Variants in TTN observed in about 807,000 individuals in gnomAD.
TTN encodes the protein titin.
In TTN, 1,525 loss-of-function variants were observed where a neutral mutation model predicts 3,223.0. The ratio of observed to expected loss-of-function variants is 0.47; its 90% CI spans 0.45 to 0.49. The LOEUF (loss-of-function observed/expected upper bound fraction) is 0.49, where lower values mean the gene tolerates loss of function less well. Among genes scored for constraint, TTN ranks in the 20% least tolerant of loss-of-function variants. The probability of loss-of-function intolerance (pLI) is 0.00; values close to 1 mark genes in which losing one functional copy is unlikely to be tolerated. For missense variants in TTN, 40,786 were observed against 43,424.0 expected (o/e 0.94, Z 5.40); for synonymous variants, 14,094 against 15,161.0 (o/e 0.93, Z 5.17).
intron 295 of TTN, 52 bp from the exon 296 acceptor site, chr2:178,594,698 T>C (rs1485694895): frequency 1.5e-6 from 2 of 1,372,320 alleles, no homozygotes; most frequent in African/African-American, 1.5e-5. Context: ...ACATTAAGAA[T>C]GTAGTAGGAT....
chr2:178,636,834 T>A lies in TTN; in HGVS notation c.40928-35A>T. The A allele has an allele frequency of 6.5e-7, 1 of 1,531,120 alleles. No individual in the cohort carries two copies. Among genetic ancestry groups the A allele is most frequent in the Non-Finnish European group, 8.8e-7 (1 of 1,142,246 alleles). 94.8% of individuals were successfully genotyped at this position (1,531,120 alleles called of 1,614,324 possible). On this transcript the variant is annotated intron_variant, in intron 224 of 362. Coordinates refer to ENST00000589042, the MANE Select transcript of TTN (RefSeq NM_001267550.2). This position sits in a 1 kb window ranked among gnomAD's most constrained non-coding sequence, Gnocchi z 4.3. ...AGTAAAATAAAAAGTTGATTTGGCA[T>A]CTCCTTAGGAGTCAGAAAGTTCATA...
rs757257344 is a variant in TTN, at chr2:178,608,648, G to C, written c.52363C>G (p.Pro17455Ala). ...ACAAGTGGCTTTGAAACACATGGTGGACCTGGCCCAAATCTGTTTTCAGCT... is the reference window on the plus strand; with the variant it reads ...ACAAGTGGCTTTGAAACACATGGTGCACCTGGCCCAAATCTGTTTTCAGCT... The part of the protein sequence containing the change: ...VRAENRFGPG[P>A]PCVSKPLVAK... Residue 17455 changes from proline (P) to alanine (A), a missense_variant, in exon 274 of 363, where the codon CCA becomes GCA. Physicochemically the swap from Pro to Ala is conservative, Grantham distance 27 (BLOSUM62 -1). Coordinates refer to ENST00000589042, the MANE Select transcript of TTN (RefSeq NM_001267550.2). 6.2e-7 allele frequency: 1 copy of C among 1,611,872 alleles called. No homozygotes were observed. Among genetic ancestry groups the C allele is most frequent in the Admixed American group, 1.7e-5 (1 of 59,852 alleles).
rs377480514 is a variant in TTN at position 178,588,138 on chromosome 2, T to C, written c.63269A>G (p.Tyr21090Cys). Residue 21090 changes from tyrosine (Y) to cysteine (C), a missense_variant, in exon 305 of 363, where the codon TAT becomes TGT. Transcript: ENST00000589042. ...SITLGWGKPV[Y>C]DGGAPIIGYV... ...TCCAATGATCGGTGCACCACCATCA[T>C]AGACTGGTTTTCCCCACCCAAGAGT... 21 of 1,611,490 alleles carry C rather than the reference T, an allele frequency of 1.3e-5. No individual in the cohort carries two copies. The highest frequency in any genetic ancestry group is 1.5e-5 in the Non-Finnish European group (18 of 1,178,238).
chr2:178,669,675 G>T lies in TTN; in HGVS notation c.35387C>A (p.Ala11796Glu), dbSNP rs200321949. ...GACAATTTTCTTGGGTACTTCGGGT[G>T]CTTTAAAGATATTTATTTATCTTAT... ...PEEPRVPPTK[A>E]PEVPKKIVPE... Residue 11796 changes from alanine to glutamate, a missense_variant and splice_region_variant, in exon 158 of 363, where the codon GCA (alanine) becomes GAA (glutamate). By Grantham distance (107) the Ala-to-Glu change is moderately radical (BLOSUM62 -1). Coordinates refer to ENST00000589042, the MANE Select transcript of TTN (RefSeq NM_001267550.2). 7.1e-5 allele frequency: 115 copies of T among 1,611,316 alleles called. No homozygotes were observed. The highest frequency in any genetic ancestry group is 9.0e-5 in the Non-Finnish European group (106 of 1,179,072).
Position 178,764,818 on chromosome 2 carries a change from G to A in TTN, c.9704-7C>T. 1 of 1,612,440 alleles carries A rather than the reference G, an allele frequency of 6.2e-7. No individual in the cohort carries two copies. The highest frequency in any genetic ancestry group is 8.5e-7 in the Non-Finnish European group (1 of 1,179,810). On this transcript the variant is annotated splice_region_variant and splice_polypyrimidine_tract_variant and intron_variant, in intron 41 of 362. Transcript: ENST00000589042. ...ACTTGGGGCGGTTCAGGAGCTAGGAGTAAATGTTGACAAATAGCCCATGAA... is the reference window on the plus strand; with the variant it reads ...ACTTGGGGCGGTTCAGGAGCTAGGAATAAATGTTGACAAATAGCCCATGAA...
chr2:178,802,036 G>T, intron 3 of TTN, 102 bp downstream of exon 3: 1 of 1,403,222 alleles, frequency 7.1e-7, no homozygotes, highest in Non-Finnish European at 1.0e-6. Context: ...TAGTTTAAGA[G>T]CTGCATCTAC....
In TTN at chr2:178,711,295, A is replaced by G. The variant is rs727505348; in HGVS notation, c.27941T>C (p.Val9314Ala). ...SRQLRDVQET[V>A]GLPVVFDCAI... Reference sequence around the variant, plus strand: ...ACAATCAAAAACAACTGGCAGTCCAACTGTTTCTTGAACATCTCTCAATTG... The same window carrying G: ...ACAATCAAAAACAACTGGCAGTCCAGCTGTTTCTTGAACATCTCTCAATTG... Residue 9314 changes from valine (V) to alanine (A), a missense_variant, in exon 97 of 363, where the codon GTT becomes GCT. Coordinates refer to ENST00000589042, the MANE Select transcript of TTN (RefSeq NM_001267550.2). 13 of 1,613,486 alleles carry G rather than the reference A, an allele frequency of 8.1e-6. No homozygotes were observed. The South Asian group carries it at 1.1e-4, about 14-fold the overall frequency.
At chr2:178,735,119 G>T in intron 50 of TTN, 131 bp from the exon 51 acceptor site, 1 of 1,036,282 alleles carries the variant, frequency 9.6e-7, no homozygotes, top group Non-Finnish European at 1.3e-6. Context: ...TGTAAAAGCT[G>T]TGGTGCATTT....
Position 178,740,846 on chromosome 2 carries a change from C to G in TTN, c.12387G>C (p.Arg4129Ser), listed in dbSNP as rs199546417. The G allele has an allele frequency of 1.9e-6, 3 of 1,613,794 alleles. No individual in the cohort carries two copies. Among genetic ancestry groups the G allele is most frequent in the Non-Finnish European group, 2.5e-6 (3 of 1,179,792 alleles). ...TACTGCCATTGATGCAAAGAAATTC[C>G]CTGGTGCTTTCAGGAGTGAGCTTGT... ...EQDKLTPESTREFLCINGSIH... is the reference protein window; with the variant it reads ...EQDKLTPESTSEFLCINGSIH... The change falls in exon 48 of 363, where the codon AGG (arginine) becomes AGC (serine). Residue 4129 changes from arginine (R) to serine (S), a missense_variant. By Grantham distance (110) the Arg-to-Ser change is moderately radical. Transcript: ENST00000589042.
Position 178,740,106 on chromosome 2 carries a change from T to TACATGCACAGGTA in TTN, c.13126_13127insTACCTGTGCATGT (p.Asp4376ValfsTer9). On this transcript the variant is annotated frameshift_variant, in exon 48 of 363. Coordinates refer to ENST00000589042, the MANE Select transcript of TTN (RefSeq NM_001267550.2). LOFTEE classifies it high-confidence loss of function. ...AAGCAAGCTTTCCTTAGAAAGAAGG[T>TACATGCACAGGTA]CCCTTCCCTGTACCTCCTGCACTTT... 1 of 1,613,778 alleles carries TACATGCACAGGTA rather than the reference T, an allele frequency of 6.2e-7. No homozygotes were observed. Among genetic ancestry groups the TACATGCACAGGTA allele is most frequent in the Non-Finnish European group, 8.5e-7 (1 of 1,179,804 alleles).
In TTN at chr2:178,652,101, G is replaced by T. The variant is rs924318627; in HGVS notation, c.39290C>A (p.Pro13097His). The T allele has an allele frequency of 2.5e-6, 4 of 1,613,082 alleles. No homozygotes were observed. Among genetic ancestry groups the T allele is most frequent in the East Asian group, 2.2e-5 (1 of 44,870 alleles). The change falls in exon 204 of 363, where the codon CCT becomes CAT. Residue 13097 changes from proline (P) to histidine (H), a missense_variant. Physicochemically the swap from Pro to His is moderately conservative, Grantham distance 77 (BLOSUM62 -2). Coordinates refer to ENST00000589042, the MANE Select transcript of TTN (RefSeq NM_001267550.2). ...TTGAATAGTTTCATTATTACCTTCAGGGGGAGGACTTTCCGGTTTGGGAGG... is the reference window on the plus strand; with the variant it reads ...TTGAATAGTTTCATTATTACCTTCATGGGGAGGACTTTCCGGTTTGGGAGG... ...AIPPKPESPP[P>H]EVFEEPEEVA...
chr2:178,754,930 A>G (rs2086526537), intron 46 of TTN, among the ~76,000 whole-genome samples: 1 of 152,156 alleles, frequency 6.6e-6, no homozygotes, highest in Non-Finnish European at 1.5e-5. Flanking sequence ...GGTAGGAAGA[A>G]AGGCCACTGT....
chr2:178,554,443 C>G lies in TTN; in HGVS notation c.88894+10G>C. ...TCACGTTTCAGTTTTCTAATGAAAT[C>G]ATGTCTCACCAAATGCGTTCTTGGC... On this transcript the variant is annotated intron_variant, in intron 332 of 362. Transcript: ENST00000589042. The G allele has an allele frequency of 6.2e-7, 1 of 1,610,032 alleles. No individual in the cohort carries two copies. The highest frequency in any genetic ancestry group is 8.5e-7 in the Non-Finnish European group (1 of 1,178,334).
intron 198 of TTN, 28 bp downstream of exon 198, chr2:178,653,210 T>A (rs776768954): frequency 8.1e-6 from 13 of 1,611,340 alleles, no homozygotes; most frequent in Admixed American, 1.7e-5. Flanking sequence ...AATTAGATCA[T>A]CTGAAGCCTA....
At position 178,574,834 on chromosome 2, in the gene TTN, C is replaced by A; in HGVS notation, c.71298G>T (p.Met23766Ile). Residue 23766 changes from methionine to isoleucine, a missense_variant, in exon 326 of 363, where the codon ATG (methionine) becomes ATT (isoleucine). By Grantham distance (10) the Met-to-Ile change is conservative (BLOSUM62 1). Transcript: ENST00000589042. ...CCCAGGTAGTACTGTCAGTCTGCCG[C>A]ATTTCCACTACATAGTTGCTTATTG... Reference protein sequence around the residue: ...GVPISNYVVEMRQTDSTTWVE... With the variant: ...GVPISNYVVEIRQTDSTTWVE... 6.2e-7 allele frequency: 1 copy of A among 1,612,976 alleles called. No homozygotes were observed. The highest frequency in any genetic ancestry group is 8.5e-7 in the Non-Finnish European group (1 of 1,179,428).
Position 178,617,870 on chromosome 2 carries a change from C to T in TTN, c.47481G>A (p.Gln15827=), listed in dbSNP as rs752514306. Residue 15827 remains glutamine, a synonymous_variant, in exon 253 of 363, where the codon CAG becomes CAA. Transcript: ENST00000589042. ...SATVTDVVEG[Q]EYSFRVRAQN... is the part of the protein sequence containing the mutation. ...GGGCTCTCACTCGGAAACTGTACTCCTGTCCTTCTACCACATCAGTAACAG... is the reference window on the plus strand; with the variant it reads ...GGGCTCTCACTCGGAAACTGTACTCTTGTCCTTCTACCACATCAGTAACAG... The T allele has an allele frequency of 1.9e-5, 30 of 1,612,550 alleles. No individual in the cohort carries two copies. The highest frequency in any genetic ancestry group is 2.5e-5 in the Non-Finnish European group (30 of 1,179,118).
chr2:178,778,811 C>G, intron 24 of TTN, 63 bp downstream of exon 24: 2 of 1,608,328 alleles, frequency 1.2e-6, no homozygotes, highest in Non-Finnish European at 1.7e-6. Context: ...TAGCAATTTG[C>G]TACTATTTGA....
Position 178,571,949 on chromosome 2 carries a change from A to G in TTN, c.74183T>C (p.Leu24728Pro), listed in dbSNP as rs1708337255. ...FKLLFNTFTVLAGEDLKVDVP... is the reference protein window; with the variant it reads ...FKLLFNTFTVPAGEDLKVDVP... Reference sequence around the variant, plus strand: ...ATCAACTTTTAGGTCTTCACCTGCCAGTACAGTGAAAGTATTGAACAGGAG... The same window carrying G: ...ATCAACTTTTAGGTCTTCACCTGCCGGTACAGTGAAAGTATTGAACAGGAG... The change falls in exon 326 of 363, where the codon CTG (leucine) becomes CCG (proline). Residue 24728 changes from leucine to proline, a missense_variant. Transcript: ENST00000589042. 1 of 1,613,368 alleles carries G rather than the reference A, an allele frequency of 6.2e-7. No homozygotes were observed. Among genetic ancestry groups the G allele is most frequent in the African/African-American group, 1.3e-5 (1 of 75,020 alleles).
chr2:178,590,109 G>C lies in TTN; in HGVS notation c.61616C>G (p.Ala20539Gly). ...LPRVELQIKE[A>G]VRADHGKYII... ...ATACTTGCCATGATCAGCTCTAACA[G>C]CTTCTTTAATTTGTAACTCAACACG... The change falls in exon 304 of 363, where the codon GCT becomes GGT. Residue 20539 changes from alanine (A) to glycine (G), a missense_variant. Coordinates refer to ENST00000589042, the MANE Select transcript of TTN (RefSeq NM_001267550.2). 6.2e-7 allele frequency: 1 copy of C among 1,613,264 alleles called. No individual in the cohort carries two copies.
Sources: allele counts gnomAD v4.1 joint callset (sites outside exome capture counted in the v4.1 genomes callset), GRCh38; gene constraint gnomAD v4.1.1; non-coding constraint Gnocchi (gnomAD v3.1); transcripts MANE v1.5; gene names NCBI Gene and HGNC (gene_info 2026-07-23, HGNC 2026-07-21).